Variants in WDR90 observed in about 807,000 individuals in gnomAD.
WDR90 encodes WD repeat domain 90.
In WDR90, 238 loss-of-function variants were observed where a neutral mutation model predicts 195.2. The observed-to-expected ratio is 1.22, with a 90% confidence interval of 1.10 to 1.36. The LOEUF is 1.36. WDR90 is among the 40% of genes most tolerant of loss of function. The pLI is 0.00. For synonymous variants in WDR90, 1,265 were observed against 1,052.4 expected (o/e 1.20, Z -3.91); for missense variants, 2,734 against 2,439.5 (o/e 1.12, Z -2.54).
intron 21 of WDR90, 31 bp from the exon 22 acceptor site, chr16:658,152 C>A: frequency 6.3e-7 from 1 of 1,593,584 alleles, no homozygotes. Flanking sequence ...CCCAGGGGCC[C>A]TGACTGTCGG....
Position 666,293 on chromosome 16 carries a change from T to G in WDR90, c.4683T>G (p.Arg1561=). 1 of 1,612,716 alleles carries G rather than the reference T, an allele frequency of 6.2e-7. No homozygotes were observed. Among genetic ancestry groups the G allele is most frequent in the African/African-American group, 1.3e-5 (1 of 75,032 alleles). ...VSHPCTGTTF[R]VLSDHQGAPI... ...ACCCCTGCACAGGGACAACCTTCCG[T>G]GTGCTGAGTGACCACCAGGGCGCCC... Residue 1561 remains arginine (R), a synonymous_variant, in exon 37 of 41, where the codon CGT becomes CGG. Coordinates refer to ENST00000293879, the MANE Select transcript of WDR90 (RefSeq NM_145294.5).
At chr16:660,953 C>CCCCAG (rs1309881328) in intron 28 of WDR90, 98 bp from the exon 29 acceptor site, 1 of 368,500 alleles carries the variant, frequency 2.7e-6, no homozygotes, top group Admixed American at 1.8e-4. Context: ...CCCCACGGCT[C>CCCCAG]GGCCCAGGCC....
chr16:667,536 C>G lies in WDR90; in HGVS notation c.5194C>G (p.Leu1732Val). The change falls in exon 41 of 41, where the codon CTC becomes GTC. Residue 1732 changes from leucine to valine, a missense_variant. Coordinates refer to ENST00000293879, the MANE Select transcript of WDR90 (RefSeq NM_145294.5). Reference protein sequence around the residue: ...LCRFTPSARLLFTAARNEILV... With the variant: ...LCRFTPSARLVFTAARNEILV... ...CAGGTTTACACCGTCCGCCAGGCTGCTCTTCACGGCCGCCCGCAACGAGAT... is the reference window on the plus strand; with the variant it reads ...CAGGTTTACACCGTCCGCCAGGCTGGTCTTCACGGCCGCCCGCAACGAGAT... 1.9e-6 allele frequency: 3 copies of G among 1,612,118 alleles called. No individual in the cohort carries two copies. Among genetic ancestry groups the G allele is most frequent in the Non-Finnish European group, 2.5e-6 (3 of 1,179,994 alleles).
intron 28 of WDR90, 56 bp from the exon 29 acceptor site, chr16:660,984 CCCCAGGCCCCT>C (rs1567220524): frequency 7.6e-6 from 1 of 131,676 alleles, no homozygotes; most frequent in Non-Finnish European, 1.1e-5. Context: ...TTCGGCCCCT[CCCCAGGCCCCT>C]CCCCGCCCCC....
At chr16:661,547 G>C (rs749037682) in intron 30 of WDR90, 46 bp downstream of exon 30, 4 of 1,448,628 alleles carry the variant, frequency 2.8e-6, no homozygotes, top group East Asian at 2.7e-5. Flanking sequence ...CTAGACCCCG[G>C]GGGGGGCTGC....
intron 34 of WDR90, 129 bp from the exon 35 acceptor site, chr16:665,550 G>A: frequency 1.4e-6 from 2 of 1,472,744 alleles, no homozygotes; most frequent in Non-Finnish European, 1.9e-6. Context: ...GCCATGTGGA[G>A]TTGGCCGGGG....
chr16:664,327 C>T (rs529064228), intron 34 of WDR90, among the ~76,000 whole-genome samples: 1 of 152,222 alleles, frequency 6.6e-6, no homozygotes, highest in Non-Finnish European at 1.5e-5. Context: ...GCTCACCTGG[C>T]TTCTCACCCT....
intron 20 of WDR90, 96 bp downstream of exon 20, chr16:657,317 G>A (rs2151251371): frequency 1.4e-6 from 2 of 1,439,426 alleles, no homozygotes; most frequent in East Asian, 2.5e-5. Flanking sequence ...CCGGTTTCCT[G>A]GTGCACCGAC....
In WDR90 at chr16:649,664, G is replaced by A; in HGVS notation, c.11-99G>A. 3.9e-6 allele frequency: 5 copies of A among 1,272,880 alleles called. No individual in the cohort carries two copies. In the South Asian group the frequency reaches 7.0e-5, roughly 18 times the overall value. 78.8% of individuals were successfully genotyped at this position (1,272,880 alleles called of 1,614,324 possible). On this transcript the variant is annotated intron_variant, in intron 1 of 40. Coordinates refer to ENST00000293879, the MANE Select transcript of WDR90 (RefSeq NM_145294.5). ...GGCGTCGCCGGGGAAGGCGCGGAGA[G>A]CCCCGGCTCCTGCCTGGTCCCCGAG...
Position 660,641 on chromosome 16 carries a change from G to A in WDR90, c.3318G>A (p.Gly1106=). 1 of 1,578,238 alleles carries A rather than the reference G, an allele frequency of 6.3e-7. No individual in the cohort carries two copies. Among genetic ancestry groups the A allele is most frequent in the Non-Finnish European group, 8.6e-7 (1 of 1,163,030 alleles). Residue 1106 remains glycine, a synonymous_variant, in exon 28 of 41, where the codon GGG becomes GGA. Transcript: ENST00000293879. The stretch of plus-strand genomic sequence containing the variant: ...CTTGCCCGCCTCCCGCCAGCGGTGG[G>A]TGGCTGCGTCTGAAGGCTGTCGTCG... ...KGTCPPPASG[G]WLRLKAVVGY...
At chr16:657,506 C>G (rs550975175) in intron 20 of WDR90, 1 of 707,010 alleles carries the variant, frequency 1.4e-6, no homozygotes, top group South Asian at 2.0e-5. Flanking sequence ...GGGCACCTGC[C>G]CTGTCCTGCG....
At chr16:659,805 C>T (rs956036046) in intron 26 of WDR90, among the ~76,000 whole-genome samples, 1 of 152,170 alleles carries the variant, frequency 6.6e-6, no homozygotes, top group Non-Finnish European at 1.5e-5. Context: ...ACCCCGTGAG[C>T]AGTGGAGGGC....
chr16:656,093 G>A, intron 17 of WDR90: 1 of 763,898 alleles, frequency 1.3e-6, no homozygotes, highest in East Asian at 2.7e-5. Context: ...AGGGCCCGGT[G>A]GGACGTGGGT....
In WDR90 at chr16:666,128, A is replaced by G. The variant is rs1170842245; in HGVS notation, c.4609+4A>G. On this transcript the variant is annotated splice_donor_region_variant and intron_variant, in intron 36 of 40. Coordinates refer to ENST00000293879, the MANE Select transcript of WDR90 (RefSeq NM_145294.5). ...ACTGTTGCCTTCTCCACCGATGGTG[A>G]GGAGTTGGGTGTGTTGGGGATGGTG... 7 of 1,608,970 alleles carry G rather than the reference A, an allele frequency of 4.4e-6. No homozygotes were observed. Among genetic ancestry groups the G allele is most frequent in the Non-Finnish European group, 5.9e-6 (7 of 1,177,424 alleles).
In WDR90 at chr16:662,288, G is replaced by C. The variant is rs115580724; in HGVS notation, c.4102G>C (p.Val1368Leu). 5 of 1,581,532 alleles carry C rather than the reference G, an allele frequency of 3.2e-6. No homozygotes were observed. The African/African-American group carries it at 5.4e-5, about 17-fold the overall frequency. ...SSTGRLRLWAVGAVSELRCKG... is the reference protein window; with the variant it reads ...SSTGRLRLWALGAVSELRCKG... ...CACGGGGCGGCTGCGCCTGTGGGCC[G>C]TGGGGGCTGTGTCGGAGCTGAGGTG... is the stretch of plus-strand genomic sequence containing the variant. Residue 1368 changes from valine to leucine, a missense_variant, in exon 33 of 41, where the codon GTG (valine) becomes CTG (leucine). Physicochemically the swap from Val to Leu is conservative, Grantham distance 32 (BLOSUM62 1). Transcript: ENST00000293879.
chr16:660,843 G>C (rs1002017500), intron 28 of WDR90, 129 bp downstream of exon 28: 1 of 1,135,278 alleles, frequency 8.8e-7, no homozygotes. Context: ...CTGTTCTCCC[G>C]GTAGCGCCTC....
rs2038058583 is a variant in WDR90 at position 666,570 on chromosome 16, TGA to T, written c.4858_4859del (p.Ser1620PhefsTer77). On this transcript the variant is annotated frameshift_variant, in exon 38 of 41. Coordinates refer to ENST00000293879, the MANE Select transcript of WDR90 (RefSeq NM_145294.5). LOFTEE classifies it high-confidence loss of function. ...AACCACTGTGAGCTTGTGGACTGGT[TGA>T]GTTTCCCAATGCCTGCCACCACGGA... 17 of 1,612,556 alleles carry T rather than the reference TGA, an allele frequency of 1.1e-5. No homozygotes were observed. The highest frequency in any genetic ancestry group is 1.7e-5 in the Admixed American group (1 of 59,992).
In WDR90 at chr16:665,719, C is replaced by T. The variant is rs1439915428; in HGVS notation, c.4352C>T (p.Ala1451Val). ...VVFSPGESHCATCSEDGSVRV... is the reference protein window; with the variant it reads ...VVFSPGESHCVTCSEDGSVRV... ...TTCAGCCCCGGGGAGTCCCACTGCG[C>T]CACATGCAGTGAGGATGGGAGTGTG... The change falls in exon 35 of 41, where the codon GCC becomes GTC. Residue 1451 changes from alanine to valine, a missense_variant. Physicochemically the swap from Ala to Val is moderately conservative, Grantham distance 64. Coordinates refer to ENST00000293879, the MANE Select transcript of WDR90 (RefSeq NM_145294.5). The T allele has an allele frequency of 6.2e-7, 1 of 1,612,442 alleles. No individual in the cohort carries two copies. Among genetic ancestry groups the T allele is most frequent in the African/African-American group, 1.3e-5 (1 of 74,944 alleles).
chr16:652,654 C>T (rs2151178709), intron 10 of WDR90, 119 bp downstream of exon 10: 18 of 1,117,228 alleles, frequency 1.6e-5, no homozygotes, highest in Non-Finnish European at 2.1e-5. Context: ...GCTCCCGAGC[C>T]CCCCTGGCAC....
Sources: allele counts gnomAD v4.1 joint callset (sites outside exome capture counted in the v4.1 genomes callset), GRCh38; gene constraint gnomAD v4.1.1; transcripts MANE v1.5; gene names NCBI Gene and HGNC (gene_info 2026-07-23, HGNC 2026-07-21).